CLCC1: variants seen among roughly 807,000 people sequenced by gnomAD.
The protein encoded by CLCC1 is chloride channel CLIC-like protein 1.
A neutral mutation model predicts 63.3 loss-of-function variants in CLCC1; 39 were observed. The ratio of observed to expected loss-of-function variants is 0.62; its 90% CI spans 0.48 to 0.81. The LOEUF is 0.81. CLCC1 is among the 30% of genes least tolerant of loss of function. The pLI, the probability that CLCC1 is intolerant of heterozygous loss-of-function variation, is 0.00. For synonymous variants in CLCC1, 217 were observed against 239.8 expected, an observed-to-expected ratio of 0.90 and a Z score of 0.88; for missense variants, 549 against 669.4, an observed-to-expected ratio of 0.82 and a Z score of 1.98.
intron 5 of CLCC1, among the ~76,000 whole-genome samples, chr1:108,944,842 G>A (rs1388706805): frequency 6.6e-6 from 1 of 152,066 alleles, no homozygotes; most frequent in Non-Finnish European, 1.5e-5. Context: ...CATTAGCCAG[G>A]ATGGTCTCGA....
chr1:108,959,376 A>G (rs144649308), intron 2 of CLCC1, among the ~76,000 whole-genome samples: 57 of 151,814 alleles, frequency 3.8e-4, no homozygotes, highest in African/African-American at 1.2e-3. Context: ...AAAATTAAAG[A>G]AAAAAAAGCT....
rs14209 is a variant in CLCC1, at chr1:108,930,299, T to G, written c.*2248A>C. The G allele has an allele frequency of 0.04, 7,424 of 187,358 alleles. 204 individuals are homozygous for G. The highest frequency in any genetic ancestry group is 0.085 in the Middle Eastern group (36 of 424). 11.6% of individuals were successfully genotyped at this position (187,358 alleles called of 1,614,324 possible). Reference sequence around the variant, plus strand: ...TTTAACATCTTAATTGACAATGGCGTTTTTTTATACATAACCATGGATGTA... The same window carrying G: ...TTTAACATCTTAATTGACAATGGCGGTTTTTTATACATAACCATGGATGTA... On this transcript the variant is annotated 3_prime_UTR_variant, in exon 13 of 13. Transcript: ENST00000369969.
At chr1:108,950,069 T>A (rs1655000261) in intron 3 of CLCC1, 148 bp from the exon 4 acceptor site, 1 of 674,644 alleles carries the variant, frequency 1.5e-6, no homozygotes. Context: ...AAAAAAAGTT[T>A]CAAATGTACA....
intron 5 of CLCC1, among the ~76,000 whole-genome samples, chr1:108,945,237 C>T (rs1654389067): frequency 6.6e-6 from 1 of 152,090 alleles, no homozygotes; most frequent in Non-Finnish European, 1.5e-5. Flanking sequence ...GGCCTTCTTG[C>T]ACTTAGAAAC....
chr1:108,962,870 CAA>C (rs34375249), intron 1 of CLCC1, among the ~76,000 whole-genome samples: 3 of 133,918 alleles, frequency 2.2e-5, no homozygotes, highest in Non-Finnish European at 3.2e-5. Context: ...GACTCCGTCT[CAA>C]AAAAAAAAAA....
chr1:108,931,261 A>C lies in CLCC1; in HGVS notation c.*1286T>G, dbSNP rs905136497. 8 of 1,452,478 alleles carry C rather than the reference A, an allele frequency of 5.5e-6. No homozygotes were observed. Among genetic ancestry groups the C allele is most frequent in the Non-Finnish European group, 7.3e-6 (8 of 1,095,492 alleles). The allele number at this position is 1,452,478 out of a possible 1,614,324, so 90.0% of individuals were successfully genotyped here. On this transcript the variant is annotated 3_prime_UTR_variant, in exon 13 of 13. Transcript: ENST00000369969. ...CTCACAAAAATTAAATATGAAAGAAAGATGTCAGCTAGAACCTTAGTTGTC... is the reference window on the plus strand; with the variant it reads ...CTCACAAAAATTAAATATGAAAGAACGATGTCAGCTAGAACCTTAGTTGTC...
rs1367102565 is a variant in CLCC1 at position 108,931,266 on chromosome 1, T to C, written c.*1281A>G. The stretch of plus-strand genomic sequence containing the variant: ...AAAAATTAAATATGAAAGAAAGATG[T>C]CAGCTAGAACCTTAGTTGTCATTAA... On this transcript the variant is annotated 3_prime_UTR_variant, in exon 13 of 13. Transcript: ENST00000369969. The C allele has an allele frequency of 6.9e-7, 1 of 1,457,144 alleles. No individual in the cohort carries two copies. The highest frequency in any genetic ancestry group is 1.4e-5 in the African/African-American group (1 of 69,572). 90.3% of individuals were successfully genotyped at this position (1,457,144 alleles called of 1,614,324 possible).
chr1:108,958,513 C>T (rs1385312547), intron 2 of CLCC1, among the ~76,000 whole-genome samples: 3 of 151,472 alleles, frequency 2.0e-5, no homozygotes, highest in East Asian at 1.9e-4. Context: ...ACAGTAGTAA[C>T]GATGCTGGCA....
chr1:108,934,410 C>A (rs1040467805), intron 12 of CLCC1: 41 of 444,194 alleles, frequency 9.2e-5, no homozygotes, highest in Non-Finnish European at 2.8e-5. Flanking sequence ...TGCCTGTCAT[C>A]TGTTCATCTT....
chr1:108,935,052 T>C (rs1333190700), intron 11 of CLCC1, 110 bp from the exon 12 acceptor site: 11 of 1,074,394 alleles, frequency 1.0e-5, no homozygotes, highest in Non-Finnish European at 1.5e-5. Context: ...CTCCAAACTC[T>C]TTCAAATCCA....
At chr1:108,957,888 T>G (rs1165277596) in intron 2 of CLCC1, among the ~76,000 whole-genome samples, 1 of 151,274 alleles carries the variant, frequency 6.6e-6, no homozygotes, top group Admixed American at 6.6e-5. Context: ...AGAAGATTTA[T>G]TATGAGGACA....
At position 108,950,675 on chromosome 1, in the gene CLCC1, AT is replaced by A. The variant is rs1222560526; in HGVS notation, c.-11-228del. Among the ~76,000 whole-genome samples, 367 of 146,142 alleles carry A rather than the reference AT, an allele frequency of 2.5e-3. 1 individual carries two copies. Among genetic ancestry groups the A allele is most frequent in the Non-Finnish European group, 3.6e-3 (236 of 65,982 alleles). ...AGGTGTGTGCCACCACACCTGGATA[AT>A]TTTTTTTTTTTAATTTTTAGTAGAG... is the stretch of plus-strand genomic sequence containing the variant. On this transcript the variant is annotated intron_variant, in intron 2 of 12. Coordinates refer to ENST00000369969, the MANE Select transcript of CLCC1 (RefSeq NM_001377458.1).
Position 108,937,241 on chromosome 1 carries a change from T to TG in CLCC1, c.1218dup (p.Thr407HisfsTer2), listed in dbSNP as rs1653151596. On this transcript the variant is annotated frameshift_variant, in exon 11 of 13. Transcript: ENST00000369969. LOFTEE classifies it high-confidence loss of function. ...GTTTTGGCATAAGGGCCTTGCTCAG[T>TG]GGGGCCCATTTGGCCCCTATAATGG... 1.9e-6 allele frequency: 3 copies of TG among 1,614,066 alleles called. No homozygotes were observed. The highest frequency in any genetic ancestry group is 1.3e-5 in the African/African-American group (1 of 74,944).
intron 2 of CLCC1, among the ~76,000 whole-genome samples, chr1:108,956,562 G>A (rs955414345): frequency 6.6e-6 from 1 of 150,538 alleles, no homozygotes; most frequent in African/African-American, 2.5e-5. Flanking sequence ...TCGGGAGGCT[G>A]AGGCAGAAGA....
Position 108,950,289 on chromosome 1 carries a change from G to A in CLCC1, c.129+20C>T. On this transcript the variant is annotated intron_variant, in intron 3 of 12. Transcript: ENST00000369969. Reference sequence around the variant, plus strand: ...GGGACTGATAAGGTCTCACACACATGCACGAATTTTTTTTAATACCTGAGA... The same window carrying A: ...GGGACTGATAAGGTCTCACACACATACACGAATTTTTTTTAATACCTGAGA... The A allele has an allele frequency of 1.2e-6, 2 of 1,601,872 alleles. No individual in the cohort carries two copies. The highest frequency in any genetic ancestry group is 1.7e-6 in the Non-Finnish European group (2 of 1,173,160).
intron 2 of CLCC1, among the ~76,000 whole-genome samples, chr1:108,955,517 C>T (rs1189831379): frequency 6.6e-6 from 1 of 151,468 alleles, no homozygotes; most frequent in African/African-American, 2.5e-5. Flanking sequence ...AGAGGGTCGC[C>T]TGCTTCTACT....
intron 5 of CLCC1, among the ~76,000 whole-genome samples, chr1:108,945,678 AG>A (rs147360287): frequency 6.6e-6 from 1 of 152,348 alleles, no homozygotes; most frequent in East Asian, 1.9e-4. Context: ...GTTTTCAGAT[AG>A]CCTAAAATCT....
At chr1:108,960,851 G>C (rs941289031) in intron 2 of CLCC1, among the ~76,000 whole-genome samples, 1 of 151,882 alleles carries the variant, frequency 6.6e-6, no homozygotes, top group Non-Finnish European at 1.5e-5. Context: ...AAGCAGTTGA[G>C]ATTTTTTTTT....
At chr1:108,941,576 C>G in intron 7 of CLCC1, 78 bp from the exon 8 acceptor site, 1 of 936,126 alleles carries the variant, frequency 1.1e-6, no homozygotes. Flanking sequence ...GACCTTCATT[C>G]AAAGAGTGTC....
Sources: allele counts gnomAD v4.1 joint callset (sites outside exome capture counted in the v4.1 genomes callset), GRCh38; gene constraint gnomAD v4.1.1; transcripts MANE v1.5; gene names NCBI Gene and HGNC (gene_info 2026-07-23, HGNC 2026-07-21).